Variants in PHACTR4 observed in about 807,000 individuals in gnomAD.
PHACTR4 encodes the protein protein phosphatase 1, regulatory subunit 124.
Under a neutral mutation model 72.7 loss-of-function variants are expected in PHACTR4, and 51 were observed. That is an observed-to-expected ratio of 0.70 (90% CI 0.56 to 0.89). The LOEUF is 0.89. PHACTR4 is among the 40% of genes least tolerant of loss of function. The pLI, the probability that PHACTR4 is intolerant of heterozygous loss-of-function variation, is 0.00. For missense variants in PHACTR4, 731 were observed against 861.8 expected (o/e 0.85, Z 1.90); for synonymous variants, 255 against 302.5 (o/e 0.84, Z 1.63).
At chr1:28,410,849 A>G (rs1314037762) in intron 2 of PHACTR4, among the ~76,000 whole-genome samples, 146 of 150,458 alleles carry the variant, frequency 9.7e-4, no homozygotes, top group African/African-American at 3.4e-3. Flanking sequence ...TGGGATTACC[A>G]GCACCTGCCA....
At chr1:28,449,027 C>G (rs1486972503) in intron 2 of PHACTR4, among the ~76,000 whole-genome samples, 2 of 152,010 alleles carry the variant, frequency 1.3e-5, no homozygotes, top group East Asian at 3.9e-4. Context: ...ACCTGTAGTT[C>G]TATCTTCTCA....
intron 1 of PHACTR4, among the ~76,000 whole-genome samples, chr1:28,404,467 G>C (rs1046523762): frequency 6.6e-6 from 1 of 151,014 alleles, no homozygotes; most frequent in African/African-American, 2.4e-5. Flanking sequence ...ATTTTTAGTA[G>C]AGACAGGGTT....
At chr1:28,377,486 C>G (rs112715992) in intron 1 of PHACTR4, among the ~76,000 whole-genome samples, 1 of 150,474 alleles carries the variant, frequency 6.6e-6, no homozygotes, top group Non-Finnish European at 1.5e-5. Context: ...GTGATCCGCC[C>G]GCCTCAGCCT....
At chr1:28,485,926 T>C (rs1438533856) in intron 9 of PHACTR4, among the ~76,000 whole-genome samples, 1 of 151,814 alleles carries the variant, frequency 6.6e-6, no homozygotes, top group Middle Eastern at 3.2e-3. Flanking sequence ...AATACTGTAT[T>C]GTACACTTAA....
intron 1 of PHACTR4, among the ~76,000 whole-genome samples, chr1:28,384,003 G>C (rs1652380470): frequency 1.3e-5 from 2 of 152,124 alleles, no homozygotes; most frequent in Non-Finnish European, 2.9e-5. Flanking sequence ...TGCATCCCAG[G>C]GCTAAAGCCT....
intron 1 of PHACTR4, among the ~76,000 whole-genome samples, chr1:28,397,626 C>G (rs1261133366): frequency 6.6e-6 from 1 of 151,764 alleles, no homozygotes; most frequent in Non-Finnish European, 1.5e-5. Flanking sequence ...TATGTACAAT[C>G]TGAGGCTATC....
Position 28,499,083 on chromosome 1 carries a change from A to AGAAG in PHACTR4, c.*2546_*2549dup, listed in dbSNP as rs1464785137. On this transcript the variant is annotated 3_prime_UTR_variant, in exon 14 of 14. Transcript: ENST00000373839. ...ACTCCATCAAAAAAAAAAAAAAAAA[A>AGAAG]GAAGGAAGGAAGGAAAGCAAGCCCT... 6.8e-6 allele frequency: 1 copy of AGAAG among 146,070 alleles called. No individual in the cohort carries two copies. Among genetic ancestry groups the AGAAG allele is most frequent in the Non-Finnish European group, 1.5e-5 (1 of 67,562 alleles). 9.0% of individuals were successfully genotyped at this position (146,070 alleles called of 1,614,324 possible). A position where few individuals can be genotyped will look rare whatever the true frequency, so the allele number is the denominator to read the frequency against.
At chr1:28,384,147 G>A (rs1472615867) in intron 1 of PHACTR4, among the ~76,000 whole-genome samples, 1 of 152,134 alleles carries the variant, frequency 6.6e-6, no homozygotes, top group Non-Finnish European at 1.5e-5. Flanking sequence ...TCTCTGCCAA[G>A]TTTTGGTATC....
chr1:28,466,838 C>A, intron 6 of PHACTR4, 70 bp downstream of exon 6: 1 of 1,517,110 alleles, frequency 6.6e-7, no homozygotes, highest in Non-Finnish European at 8.9e-7. Flanking sequence ...TATTTGATAA[C>A]TGGTACAACA....
At chr1:28,423,851 G>C (rs1655666649) in intron 2 of PHACTR4, among the ~76,000 whole-genome samples, 1 of 152,140 alleles carries the variant, frequency 6.6e-6, no homozygotes, top group African/African-American at 2.4e-5. Flanking sequence ...ATTCATGTTA[G>C]CTATTATTAT....
chr1:28,453,570 G>A (rs766577391), intron 2 of PHACTR4: 30 of 780,334 alleles, frequency 3.8e-5, no homozygotes, highest in Admixed American at 3.5e-4. Context: ...TGGGACTTGG[G>A]CAGCAGAGGC....
intron 9 of PHACTR4, among the ~76,000 whole-genome samples, chr1:28,484,837 G>A (rs1262750921): frequency 2.0e-5 from 3 of 151,760 alleles, no homozygotes; most frequent in African/African-American, 7.3e-5. Flanking sequence ...GTGGTGGCAG[G>A]CACCTGTAGT....
chr1:28,435,269 AT>A (rs1484669472), intron 2 of PHACTR4, among the ~76,000 whole-genome samples: 2 of 151,352 alleles, frequency 1.3e-5, no homozygotes, highest in East Asian at 1.9e-4. Context: ...TGTATTAACA[AT>A]TTTTTTTTCT....
intron 1 of PHACTR4, among the ~76,000 whole-genome samples, chr1:28,374,636 A>G (rs532653710): frequency 6.6e-6 from 1 of 151,978 alleles, no homozygotes; most frequent in Admixed American, 6.6e-5. Context: ...GGTTTACTTC[A>G]TTTCCAAAAC....
intron 2 of PHACTR4, among the ~76,000 whole-genome samples, chr1:28,419,027 T>C (rs1295121978): frequency 2.7e-5 from 2 of 75,062 alleles, no homozygotes. Context: ...CATTTTGATA[T>C]ATCTACTTTT....
chr1:28,377,006 T>C (rs948284510), intron 1 of PHACTR4, among the ~76,000 whole-genome samples: 2 of 151,580 alleles, frequency 1.3e-5, no homozygotes, highest in African/African-American at 4.8e-5. Flanking sequence ...CTCAGCTTAC[T>C]GCAACCTCTG....
Position 28,432,304 on chromosome 1 carries a change from G to A in PHACTR4, c.16+24841G>A, listed in dbSNP as rs1248579638. 3.3e-5 allele frequency among the ~76,000 whole-genome samples: 5 copies of A among 151,906 alleles called. No homozygotes were observed. The South Asian group carries it at 6.2e-4, about 19-fold the overall frequency. ...TAATAAAACAAGGAAGGCTTAGGTCGGGTGCAGTGGCTCATGCCTATAATC... is the reference window on the plus strand; with the variant it reads ...TAATAAAACAAGGAAGGCTTAGGTCAGGTGCAGTGGCTCATGCCTATAATC... On this transcript the variant is annotated intron_variant, in intron 2 of 13. Transcript: ENST00000373839.
chr1:28,394,365 GAAA>G (rs1238111310), intron 1 of PHACTR4, among the ~76,000 whole-genome samples: 2 of 150,424 alleles, frequency 1.3e-5, no homozygotes, highest in Admixed American at 6.6e-5. Context: ...AAGGAAGAAA[GAAA>G]AAAAGAAAAA....
chr1:28,430,572 C>G (rs1341697894), intron 2 of PHACTR4, among the ~76,000 whole-genome samples: 1 of 152,136 alleles, frequency 6.6e-6, no homozygotes, highest in East Asian at 1.9e-4. Flanking sequence ...GCTGCTCTTT[C>G]CCCTAATTAT....
Sources: allele counts gnomAD v4.1 joint callset (sites outside exome capture counted in the v4.1 genomes callset), GRCh38; gene constraint gnomAD v4.1.1; transcripts MANE v1.5; gene names NCBI Gene and HGNC (gene_info 2026-07-23, HGNC 2026-07-21).